ARMH3: variants seen among roughly 807,000 people sequenced by gnomAD.
The protein encoded by ARMH3 is armadillo like helical domain containing 3.
ARMH3 carries 60 observed loss-of-function variants against 99.1 expected under a neutral mutation model. The ratio of observed to expected loss-of-function variants is 0.61; its 90% CI spans 0.49 to 0.75. ARMH3 has a LOEUF of 0.75. ARMH3 is among the 30% of genes least tolerant of loss of function. ARMH3 has a pLI of 0.00. For synonymous variants in ARMH3, 285 were observed against 292.8 expected (o/e 0.97, Z 0.27); for missense variants, 679 against 843.1 (o/e 0.81, Z 2.41).
chr10:101,874,184 A>T (rs2067202942), intron 24 of ARMH3, among the ~76,000 whole-genome samples: 1 of 152,130 alleles, frequency 6.6e-6, no homozygotes, highest in South Asian at 2.1e-4. Context: ...ATAAGAGAAC[A>T]TTTTTTGGGT....
chr10:102,010,091 G>A lies in ARMH3; in HGVS notation c.832-68C>T, dbSNP rs186379868. On this transcript the variant is annotated intron_variant, in intron 11 of 25. Transcript: ENST00000370033. ...ATGAGAGGAGCTTTATGCCTAGGAA[G>A]CCTTTTATCAGTGAAGAAAACAAGC... 1.4e-4 allele frequency: 212 copies of A among 1,476,902 alleles called. No homozygotes were observed. In the Admixed American group the frequency reaches 3.7e-3, roughly 26 times the overall value. The allele number at this position is 1,476,902 out of a possible 1,614,324, so 91.5% of individuals were successfully genotyped here.
chr10:101,911,330 G>C (rs1295121279), intron 23 of ARMH3, among the ~76,000 whole-genome samples: 1 of 152,156 alleles, frequency 6.6e-6, no homozygotes, highest in African/African-American at 2.4e-5. Flanking sequence ...AAGAAGTGAG[G>C]GTTCTGTGAA....
intron 18 of ARMH3, 117 bp downstream of exon 18, chr10:101,991,852 A>G: frequency 1.9e-6 from 2 of 1,077,928 alleles, no homozygotes; most frequent in Non-Finnish European, 2.8e-6. Context: ...CAGGGAAAAA[A>G]CACAACTAAT....
intron 24 of ARMH3, among the ~76,000 whole-genome samples, chr10:101,862,738 G>A (rs1589922839): frequency 6.6e-6 from 1 of 151,832 alleles, no homozygotes. Flanking sequence ...AATAAAAAGA[G>A]GGCAGAAAAA....
chr10:102,047,462 T>C (rs2067584242), intron 1 of ARMH3, among the ~76,000 whole-genome samples: 1 of 151,866 alleles, frequency 6.6e-6, no homozygotes, highest in African/African-American at 2.4e-5. Context: ...TTCTTAAGCC[T>C]TCCTACCATT....
intron 8 of ARMH3, among the ~76,000 whole-genome samples, chr10:102,018,831 C>A (rs765652319): frequency 3.9e-5 from 6 of 152,038 alleles, no homozygotes; most frequent in Non-Finnish European, 8.8e-5. Context: ...GTGGCGCATG[C>A]CTGTAGTCCC....
intron 23 of ARMH3, among the ~76,000 whole-genome samples, chr10:101,895,097 C>A (rs921707463): frequency 6.6e-6 from 1 of 152,120 alleles, no homozygotes; most frequent in African/African-American, 2.4e-5. Context: ...ATTAAGGTTT[C>A]CCTTCGACAA....
chr10:101,966,285 G>GTT (rs34196495), intron 20 of ARMH3, among the ~76,000 whole-genome samples: 75 of 80,616 alleles, frequency 9.3e-4, no homozygotes, highest in African/African-American at 2.1e-3. Context: ...TTTGGTTTGG[G>GTT]TTTTTTTTTT....
At chr10:102,016,878 C>G (rs990232697) in intron 8 of ARMH3, among the ~76,000 whole-genome samples, 4 of 152,112 alleles carry the variant, frequency 2.6e-5, no homozygotes, top group African/African-American at 9.7e-5. Context: ...TTCCCTAGAC[C>G]TTTTTTGGGG....
chr10:102,043,573 G>A (rs1013373907), intron 1 of ARMH3, among the ~76,000 whole-genome samples: 3 of 152,078 alleles, frequency 2.0e-5, no homozygotes, highest in Non-Finnish European at 4.4e-5. Flanking sequence ...AAATGCTATG[G>A]GATAATAAAG....
intron 23 of ARMH3, among the ~76,000 whole-genome samples, chr10:101,890,220 T>A (rs1357961288): frequency 6.7e-6 from 1 of 150,346 alleles, no homozygotes; most frequent in Non-Finnish European, 1.5e-5. Flanking sequence ...GACAAATCTC[T>A]TTTTTTCATA....
chr10:101,903,912 T>C (rs1343065494), intron 23 of ARMH3, among the ~76,000 whole-genome samples: 2 of 152,224 alleles, frequency 1.3e-5, no homozygotes, highest in Non-Finnish European at 2.9e-5. Flanking sequence ...GGGCAGGTTC[T>C]CTACCTCTTC....
At chr10:102,003,199 G>A (rs1212642364) in intron 14 of ARMH3, among the ~76,000 whole-genome samples, 2 of 151,722 alleles carry the variant, frequency 1.3e-5, no homozygotes, top group African/African-American at 4.8e-5. Flanking sequence ...GTCTCGCTCT[G>A]TTGCCCAGGC....
At chr10:102,053,888 G>C (rs923681234) in intron 1 of ARMH3, among the ~76,000 whole-genome samples, 2 of 152,044 alleles carry the variant, frequency 1.3e-5, no homozygotes, top group Non-Finnish European at 2.9e-5. Flanking sequence ...TTGATCTCCT[G>C]ACCTTGTGAT....
intron 24 of ARMH3, among the ~76,000 whole-genome samples, chr10:101,851,663 C>T (rs1363903237): frequency 6.6e-6 from 1 of 152,148 alleles, no homozygotes; most frequent in Non-Finnish European, 1.5e-5. Flanking sequence ...GCCAAAAATT[C>T]CTGAGGAGAG....
chr10:101,949,846 T>A (rs1021402091), intron 22 of ARMH3, among the ~76,000 whole-genome samples: 23 of 152,174 alleles, frequency 1.5e-4, no homozygotes, highest in Admixed American at 1.2e-3. Context: ...GATGTTATAA[T>A]CATGTGGGGT....
Position 101,985,262 on chromosome 10 carries a change from G to A in ARMH3, c.1406+5289C>T, listed in dbSNP as rs1038269457. ...TATATATACGTGTGTATATATATGT[G>A]TATATACGTATGTGTATATACGTAT... is the stretch of plus-strand genomic sequence containing the variant. On this transcript the variant is annotated intron_variant, in intron 19 of 25. Transcript: ENST00000370033. Among the ~76,000 whole-genome samples the A allele has an allele frequency of 6.2e-5, 9 of 146,114 alleles. No individual in the cohort carries two copies. The South Asian group carries it at 6.4e-4, about 10-fold the overall frequency.
At chr10:101,879,353 G>T (rs2067352179) in intron 24 of ARMH3, among the ~76,000 whole-genome samples, 2 of 150,120 alleles carry the variant, frequency 1.3e-5, no homozygotes, top group African/African-American at 4.9e-5. Flanking sequence ...ATTTACATAA[G>T]AATTTTTTTT....
rs1355381254 is a variant in ARMH3, at chr10:101,913,444, C to A, written c.1782-23954G>T. Among the ~76,000 whole-genome samples, 9 of 148,942 alleles carry A rather than the reference C, an allele frequency of 6.0e-5. No individual in the cohort carries two copies. In the South Asian group the frequency reaches 1.9e-3, roughly 31 times the overall value. ...GCAGTGGTGCCACCACAGCTCGCTG[C>A]AGCCTCAACCTCCCAGGCTCAAATG... On this transcript the variant is annotated intron_variant, in intron 23 of 25. Coordinates refer to ENST00000370033, the MANE Select transcript of ARMH3 (RefSeq NM_024541.3).
Sources: gnomAD v4.1 joint callset for allele counts (sites outside exome capture counted in the v4.1 genomes callset) on GRCh38, gnomAD v4.1.1 for gene constraint, MANE v1.5 for transcripts, NCBI Gene and HGNC (gene_info 2026-07-23, HGNC 2026-07-21) for gene names.